Variants in ADCY9 observed in about 807,000 individuals in gnomAD.
ADCY9 encodes adenylate cyclase type 9.
A neutral mutation model predicts 101.5 loss-of-function variants in ADCY9; 50 were observed. The ratio of observed to expected loss-of-function variants is 0.49; its 90% CI spans 0.39 to 0.62. The LOEUF (loss-of-function observed/expected upper bound fraction) is 0.62, where lower values mean the gene tolerates loss of function less well. Among genes scored for constraint, ADCY9 ranks in the 20% least tolerant of loss-of-function variants. The pLI is 0.00. For synonymous variants in ADCY9, 905 were observed against 769.3 expected, an observed-to-expected ratio of 1.18 and a Z score of -2.92; for missense variants, 1,662 against 1,800.4, an observed-to-expected ratio of 0.92 and a Z score of 1.39.
Position 3,966,817 on chromosome 16 carries a change from T to G in ADCY9, c.3020A>C (p.His1007Pro). ...ATCCGCTTCCACGTCTCCGTGGTAG[T>G]GGAGGCGGTAGCTGACTTCAAATTC... ...NREFEVSYRL[H>P]YHGDVEADLH... is the part of the protein sequence containing the mutation. The change falls in exon 11 of 11, where the codon CAC becomes CCC. Residue 1007 changes from histidine (H) to proline (P), a missense_variant. Physicochemically the swap from His to Pro is moderately conservative, Grantham distance 77. Around this residue, in one of 5 missense-constraint regions of ADCY9, gnomAD observed 624 missense variants for 639.1 expected, o/e 0.98. Coordinates refer to ENST00000294016, the MANE Select transcript of ADCY9 (RefSeq NM_001116.4). 6.2e-7 allele frequency: 1 copy of G among 1,614,174 alleles called. No individual in the cohort carries two copies.
chr16:4,025,179 A>G (rs1213628053), intron 2 of ADCY9, among the ~76,000 whole-genome samples: 1 of 152,154 alleles, frequency 6.6e-6, no homozygotes, highest in African/African-American at 2.4e-5. Context: ...CCTGGCTAAC[A>G]TGGTGAAACC....
chr16:3,971,786 G>A (rs2056054258), intron 10 of ADCY9, among the ~76,000 whole-genome samples: 1 of 152,032 alleles, frequency 6.6e-6, no homozygotes, highest in Non-Finnish European at 1.5e-5. Flanking sequence ...TCCCCATTAT[G>A]TGCAGGGGGT....
At chr16:4,037,260 G>A (rs1413561674) in intron 2 of ADCY9, among the ~76,000 whole-genome samples, 3 of 152,140 alleles carry the variant, frequency 2.0e-5, no homozygotes, top group African/African-American at 4.8e-5. Context: ...CAAGGCTGCA[G>A]TGAGCTATGA....
chr16:3,988,771 G>GGC (rs2056219367), intron 6 of ADCY9, among the ~76,000 whole-genome samples: 1 of 152,176 alleles, frequency 6.6e-6, no homozygotes, highest in Non-Finnish European at 1.5e-5. Context: ...GGCTAGTAAT[G>GGC]GCGAGGCTGC....
chr16:4,079,467 T>A (rs1386127540), intron 2 of ADCY9, among the ~76,000 whole-genome samples: 1 of 151,702 alleles, frequency 6.6e-6, no homozygotes, highest in Admixed American at 6.6e-5. Context: ...TACTGGGGAG[T>A]CTGAGGCAGG....
intron 2 of ADCY9, among the ~76,000 whole-genome samples, chr16:4,074,806 T>A (rs913003246): frequency 1.3e-5 from 2 of 151,802 alleles, no homozygotes; most frequent in Non-Finnish European, 2.9e-5. Context: ...AGCAGTTCGG[T>A]ATTTCTTTAC....
In ADCY9 at chr16:4,115,166, G is replaced by T. The variant is rs1476734982; in HGVS notation, c.277C>A (p.Pro93Thr). Residue 93 changes from proline (P) to threonine (T), a missense_variant, in exon 2 of 11, where the codon CCC becomes ACC. This residue lies in a region of ADCY9 where 422 missense variants were observed against 392.0 expected (regional missense o/e 1.08). Transcript: ENST00000294016. The surrounding 1 kb of genome is among the most constrained non-coding windows in gnomAD (Gnocchi z 6.2). ...TCCAGGTTCACCGAGTCGAACTTGG[G>T]GTCCCACCAGCGGCTGGAGGCCCTC... ...FERASSRWWD[P>T]KFDSVNLEEA... 4.3e-6 allele frequency: 7 copies of T among 1,613,838 alleles called. No individual in the cohort carries two copies. Among genetic ancestry groups the T allele is most frequent in the Non-Finnish European group, 5.9e-6 (7 of 1,180,008 alleles).
chr16:4,059,244 G>A (rs2056759218), intron 2 of ADCY9, among the ~76,000 whole-genome samples: 1 of 151,806 alleles, frequency 6.6e-6, no homozygotes, highest in South Asian at 2.1e-4. Flanking sequence ...AAAATTAGCT[G>A]GTGGCGGGTG....
rs145523447 is a variant in ADCY9, at chr16:4,016,489, G to C, written c.1694-8931C>G. On this transcript the variant is annotated intron_variant, in intron 2 of 10. Coordinates refer to ENST00000294016, the MANE Select transcript of ADCY9 (RefSeq NM_001116.4). ...CAGGTCACACCTGCAGCAGGGACGGGGGTCCCAGACCGTGTTCTTGTCCCT... is the reference window on the plus strand; with the variant it reads ...CAGGTCACACCTGCAGCAGGGACGGCGGTCCCAGACCGTGTTCTTGTCCCT... Among the ~76,000 whole-genome samples the C allele has an allele frequency of 4.0e-3, 602 of 152,272 alleles. 4 individuals are homozygous for C. The highest frequency in any genetic ancestry group is 0.014 in the African/African-American group (573 of 41,570).
In ADCY9 at chr16:3,993,379, C is replaced by T. The variant is rs1386236001; in HGVS notation, c.1989+27G>A. 16 of 1,609,582 alleles carry T rather than the reference C, an allele frequency of 9.9e-6. No individual in the cohort carries two copies. In the South Asian group the frequency reaches 1.3e-4, roughly 13 times the overall value. ...GTGGATGCGCCAGGAGAGGAACTGACAGGAACAACAGCCATGAGCTTGTTA... is the reference window on the plus strand; with the variant it reads ...GTGGATGCGCCAGGAGAGGAACTGATAGGAACAACAGCCATGAGCTTGTTA... On this transcript the variant is annotated intron_variant, in intron 4 of 10. Coordinates refer to ENST00000294016, the MANE Select transcript of ADCY9 (RefSeq NM_001116.4).
chr16:3,987,536 G>C (rs947007358), intron 6 of ADCY9, among the ~76,000 whole-genome samples: 2 of 152,238 alleles, frequency 1.3e-5, no homozygotes, highest in Non-Finnish European at 2.9e-5. Context: ...GCATTGCTAT[G>C]AGCATTAAAT....
At chr16:4,014,540 C>T (rs1449032524) in intron 2 of ADCY9, among the ~76,000 whole-genome samples, 6 of 151,524 alleles carry the variant, frequency 4.0e-5, no homozygotes, top group East Asian at 4.0e-4. Flanking sequence ...CTCCGCCTCC[C>T]GGGTTCAAGG....
chr16:4,004,251 TAAAAAAAAAAAA>T (rs71133681), intron 3 of ADCY9, among the ~76,000 whole-genome samples: 3 of 107,722 alleles, frequency 2.8e-5, no homozygotes, highest in Non-Finnish European at 5.3e-5. Context: ...CCCATCTCTT[TAAAAAAAAAAAA>T]AAAAAAAAAA....
At chr16:4,057,101 A>T (rs916776814) in intron 2 of ADCY9, among the ~76,000 whole-genome samples, 10 of 145,442 alleles carry the variant, frequency 6.9e-5, no homozygotes, top group Admixed American at 2.2e-4. Context: ...GTTTTGGCAT[A>T]AAAAAAACAA....
Position 4,078,000 on chromosome 16 carries a change from G to GAA in ADCY9, c.1693+35748_1693+35749dup, listed in dbSNP as rs34323189. 1.7e-3 allele frequency among the ~76,000 whole-genome samples: 239 copies of GAA among 140,178 alleles called. 1 individual carries two copies. Among genetic ancestry groups the GAA allele is most frequent in the South Asian group, 8.1e-3 (36 of 4,456 alleles). 92.0% of individuals were successfully genotyped at this position (140,178 alleles called of 152,430 possible). A position where few individuals can be genotyped will look rare whatever the true frequency, so the allele number is the denominator to read the frequency against. On this transcript the variant is annotated intron_variant, in intron 2 of 10. Coordinates refer to ENST00000294016, the MANE Select transcript of ADCY9 (RefSeq NM_001116.4). The stretch of plus-strand genomic sequence containing the variant: ...GGCAATAAAGTGAGACTCTGCTTCA[G>GAA]AAAAAAAAAAAAAATTCAGACACAA...
chr16:3,983,703 AG>A, intron 6 of ADCY9: 1 of 495,062 alleles, frequency 2.0e-6, no homozygotes, highest in Non-Finnish European at 3.6e-6. Flanking sequence ...CTGACGTAGG[AG>A]GGTCGCTGGA....
rs770583603 is a variant in ADCY9, at chr16:3,966,413, C to A, written c.3424G>T (p.Ala1142Ser). The change falls in exon 11 of 11, where the codon GCC (alanine) becomes TCC (serine). Residue 1142 changes from alanine (A) to serine (S), a missense_variant. Physicochemically the swap from Ala to Ser is moderately conservative, Grantham distance 99. This residue lies in a region of ADCY9 where 220 missense variants were observed against 312.9 expected (regional missense o/e 0.70). Coordinates refer to ENST00000294016, the MANE Select transcript of ADCY9 (RefSeq NM_001116.4). ...TCCACCACGCGCATCATCTCCTTGG[C>A]GAACTCGAACAGGATCTGCAGGTGC... ...QEHLQILFEF[A>S]KEMMRVVDDF... is the part of the protein sequence containing the mutation. 2 of 1,613,960 alleles carry A rather than the reference C, an allele frequency of 1.2e-6. No homozygotes were observed. The highest frequency in any genetic ancestry group is 1.7e-6 in the Non-Finnish European group (2 of 1,180,040).
At chr16:4,019,172 G>A (rs934105617) in intron 2 of ADCY9, among the ~76,000 whole-genome samples, 1 of 151,942 alleles carries the variant, frequency 6.6e-6, no homozygotes, top group African/African-American at 2.4e-5. Flanking sequence ...TTTAAAGATG[G>A]AATCTCACTA....
At chr16:4,086,830 T>G (rs1395618497) in intron 2 of ADCY9, among the ~76,000 whole-genome samples, 3 of 151,762 alleles carry the variant, frequency 2.0e-5, no homozygotes, top group Admixed American at 2.0e-4. Flanking sequence ...CGGCTAATTT[T>G]TGTATTTTTA....
Sources: gnomAD v4.1 joint callset for allele counts (sites outside exome capture counted in the v4.1 genomes callset) on GRCh38, gnomAD v4.1.1 for gene constraint, gnomAD v4.1.1 regional missense constraint, Gnocchi (gnomAD v3.1) non-coding constraint, MANE v1.5 for transcripts, NCBI Gene and HGNC (gene_info 2026-07-23, HGNC 2026-07-21) for gene names.